Variants in NGLY1 observed in about 807,000 individuals in gnomAD.
The protein encoded by NGLY1 is peptide-N(4)-(N-acetyl-beta-glucosaminyl)asparagine amidase.
Under a neutral mutation model 84.6 loss-of-function variants are expected in NGLY1, and 68 were observed. The observed-to-expected ratio is 0.80, with a 90% CI of 0.66 to 0.98. The LOEUF is 0.98. NGLY1 is among the 50% of genes least tolerant of loss of function. The pLI, the probability that NGLY1 is intolerant of heterozygous loss-of-function variation, is 0.00. For missense variants in NGLY1, 779 were observed against 770.2 expected, an observed-to-expected ratio of 1.01 and a Z score of -0.14; for synonymous variants, 280 against 275.2, an observed-to-expected ratio of 1.02 and a Z score of -0.17.
At chr3:25,775,206 T>C (rs1040157484) in intron 2 of NGLY1, among the ~76,000 whole-genome samples, 1 of 152,220 alleles carries the variant, frequency 6.6e-6, no homozygotes, top group African/African-American at 2.4e-5. Flanking sequence ...TCCTCTAGTA[T>C]TTCTCAGAGC....
chr3:25,774,913 C>G (rs995815623), intron 2 of NGLY1, among the ~76,000 whole-genome samples: 1 of 152,180 alleles, frequency 6.6e-6, no homozygotes, highest in African/African-American at 2.4e-5. Flanking sequence ...TCCCCAAGGA[C>G]CCCTGTGAGA....
chr3:25,722,662 T>A (rs1020370871), intron 10 of NGLY1, among the ~76,000 whole-genome samples: 2 of 152,246 alleles, frequency 1.3e-5, no homozygotes. Flanking sequence ...CAAACCTAGA[T>A]GTGGAACTGT....
chr3:25,727,055 G>GGA (rs1164304767), intron 10 of NGLY1, among the ~76,000 whole-genome samples: 1 of 152,130 alleles, frequency 6.6e-6, no homozygotes, highest in Non-Finnish European at 1.5e-5. Flanking sequence ...TGAGAAATAG[G>GGA]TTTACTATTC....
chr3:25,789,269 C>G (rs1708670109), intron 1 of NGLY1, among the ~76,000 whole-genome samples: 1 of 151,968 alleles, frequency 6.6e-6, no homozygotes, highest in African/African-American at 2.4e-5. Flanking sequence ...TTTTTGAGCA[C>G]TGTCTCAAAT....
intron 2 of NGLY1, among the ~76,000 whole-genome samples, chr3:25,775,791 G>A (rs76199168): frequency 3.3e-5 from 5 of 152,242 alleles, no homozygotes; most frequent in South Asian, 2.1e-4. Context: ...AGCACAATAC[G>A]GTGACTACGG....
At chr3:25,721,194 G>C (rs904775995) in intron 10 of NGLY1, among the ~76,000 whole-genome samples, 3 of 152,054 alleles carry the variant, frequency 2.0e-5, no homozygotes, top group African/African-American at 7.2e-5. Flanking sequence ...GGGTTCAAAT[G>C]ACCCTGTTGT....
chr3:25,755,355 G>A (rs1469652676), intron 3 of NGLY1: 14 of 1,315,926 alleles, frequency 1.1e-5, no homozygotes, highest in South Asian at 5.9e-5. Context: ...CTAGTTCTAC[G>A]ATTGACTGTT....
At chr3:25,788,659 AG>A (rs1708654879) in intron 1 of NGLY1, among the ~76,000 whole-genome samples, 1 of 152,240 alleles carries the variant, frequency 6.6e-6, no homozygotes, top group African/African-American at 2.4e-5. Context: ...AAAATATTGT[AG>A]GTATTTTCAC....
rs115620654 is a variant in NGLY1 at position 25,753,974 on chromosome 3, T to C, written c.493-2711A>G. ...AGACAGACATGATCAATTTAAGGTC[T>C]ATAGGGAAAAGGTATTCAACAAATA... On this transcript the variant is annotated intron_variant, in intron 3 of 11. Coordinates refer to ENST00000280700, the MANE Select transcript of NGLY1 (RefSeq NM_018297.4). Among the ~76,000 whole-genome samples the C allele has an allele frequency of 4.1e-3, 631 of 152,292 alleles. 4 individuals are homozygous for C. The highest frequency in any genetic ancestry group is 0.015 in the African/African-American group (609 of 41,556).
chr3:25,773,809 C>T (rs2125311473), intron 2 of NGLY1, among the ~76,000 whole-genome samples: 1 of 152,312 alleles, frequency 6.6e-6, no homozygotes, highest in South Asian at 2.1e-4. Flanking sequence ...CCATGGGGTG[C>T]TCCCTTGATG....
upstream of NGLY1, among the ~76,000 whole-genome samples, chr3:25,786,008 C>T (rs750491807): frequency 2.0e-5 from 3 of 152,194 alleles, no homozygotes; most frequent in Admixed American, 6.5e-5. Context: ...TGGTTAATCA[C>T]TCAATGTAGT....
intron 2 of NGLY1, among the ~76,000 whole-genome samples, chr3:25,773,773 AG>A (rs1210375763): frequency 6.6e-6 from 1 of 152,178 alleles, no homozygotes; most frequent in African/African-American, 2.4e-5. Flanking sequence ...CAGGGGCTCA[AG>A]GGCTGCTGTT....
At chr3:25,764,892 A>C (rs931178827) in intron 2 of NGLY1, among the ~76,000 whole-genome samples, 1 of 152,246 alleles carries the variant, frequency 6.6e-6, no homozygotes, top group Non-Finnish European at 1.5e-5. Context: ...TAGTCAATCC[A>C]AAACTATGGA....
chr3:25,727,800 C>T (rs1007430704), intron 10 of NGLY1, among the ~76,000 whole-genome samples: 29 of 152,190 alleles, frequency 1.9e-4, no homozygotes, highest in African/African-American at 6.3e-4. Context: ...TGTAACACAT[C>T]ACTATTTTCC....
upstream of NGLY1, among the ~76,000 whole-genome samples, chr3:25,785,043 C>T (rs1708570655): frequency 6.7e-6 from 1 of 150,204 alleles, no homozygotes; most frequent in Non-Finnish European, 1.5e-5. Context: ...TCTGCCTCTG[C>T]AGCTGTTGCT....
chr3:25,774,273 G>A lies in NGLY1; in HGVS notation c.246+4301C>T, dbSNP rs145626421. ...GCCAGAAGGTGATGCTTTCAAGACAGCATCAGCTGCAGTAGTATCAAGAAG... is the reference window on the plus strand; with the variant it reads ...GCCAGAAGGTGATGCTTTCAAGACAACATCAGCTGCAGTAGTATCAAGAAG... On this transcript the variant is annotated intron_variant, in intron 2 of 11. Transcript: ENST00000280700. Among the ~76,000 whole-genome samples the A allele has an allele frequency of 3.7e-3, 571 of 152,318 alleles. 2 individuals are homozygous for A. The highest frequency in any genetic ancestry group is 0.013 in the African/African-American group (545 of 41,572).
chr3:25,752,490 G>A (rs948527729), intron 3 of NGLY1, among the ~76,000 whole-genome samples: 21 of 152,030 alleles, frequency 1.4e-4, no homozygotes, highest in Non-Finnish European at 3.1e-4. Flanking sequence ...AAAGTGCTGG[G>A]ATTACAGGCA....
upstream of NGLY1, among the ~76,000 whole-genome samples, chr3:25,784,446 C>T (rs1708558895): frequency 6.6e-6 from 1 of 152,156 alleles, no homozygotes; most frequent in Non-Finnish European, 1.5e-5. Context: ...ATCATGTGAT[C>T]AAGGTCTTTT....
At chr3:25,747,179 T>C (rs1432255308) in intron 4 of NGLY1, among the ~76,000 whole-genome samples, 1 of 152,224 alleles carries the variant, frequency 6.6e-6, no homozygotes, top group Non-Finnish European at 1.5e-5. Context: ...CAAGGCTATA[T>C]TATTATCCTG....
Sources: gnomAD v4.1 joint callset for allele counts (sites outside exome capture counted in the v4.1 genomes callset) on GRCh38, gnomAD v4.1.1 for gene constraint, MANE v1.5 for transcripts, NCBI Gene and HGNC (gene_info 2026-07-23, HGNC 2026-07-21) for gene names.